Variants in CDK14 observed in about 807,000 individuals in gnomAD.
The protein encoded by CDK14 is cyclin-dependent kinase 14.
A neutral mutation model predicts 60.7 loss-of-function variants in CDK14; 34 were observed. That is an observed-to-expected ratio of 0.56 (90% CI 0.43 to 0.75). CDK14 has a LOEUF of 0.75. Among genes scored for constraint, CDK14 ranks in the 30% least tolerant of loss-of-function variants. The probability of loss-of-function intolerance (pLI) is 0.00; values close to 1 mark genes in which losing one functional copy is unlikely to be tolerated. For synonymous variants in CDK14, 197 were observed against 203.7 expected (o/e 0.97, Z 0.28); for missense variants, 482 against 564.1 (o/e 0.85, Z 1.47).
intron 2 of CDK14, among the ~76,000 whole-genome samples, chr7:90,636,343 A>T (rs1312307645): frequency 1.3e-5 from 2 of 152,222 alleles, no homozygotes; most frequent in Admixed American, 1.3e-4. Flanking sequence ...TTTTAGCATG[A>T]AGGTTATTGA....
intron 5 of CDK14, among the ~76,000 whole-genome samples, chr7:90,846,524 C>A (rs1361015564): frequency 6.6e-6 from 1 of 152,182 alleles, no homozygotes; most frequent in Admixed American, 6.5e-5. Context: ...CTGATCTGCA[C>A]ATTTCCATCA....
intron 12 of CDK14, among the ~76,000 whole-genome samples, chr7:91,097,216 A>C (rs1475035506): frequency 2.0e-5 from 3 of 152,014 alleles, no homozygotes; most frequent in Non-Finnish European, 4.4e-5. Context: ...CCCTGTATCT[A>C]CTAAAAACAC....
intron 2 of CDK14, among the ~76,000 whole-genome samples, chr7:90,724,512 G>T (rs182655364): frequency 6.6e-6 from 1 of 150,414 alleles, no homozygotes. Context: ...GTATTTTAAG[G>T]TGGAAGCTGA....
chr7:90,795,157 C>T (rs1482274314), intron 5 of CDK14, among the ~76,000 whole-genome samples: 4 of 152,114 alleles, frequency 2.6e-5, no homozygotes, highest in Non-Finnish European at 4.4e-5. Flanking sequence ...ACCAAACTAT[C>T]TAGGAATACA....
chr7:90,858,528 T>C (rs1309933645), intron 5 of CDK14, among the ~76,000 whole-genome samples: 3 of 152,188 alleles, frequency 2.0e-5, no homozygotes, highest in African/African-American at 7.2e-5. Flanking sequence ...AAAAATGGAA[T>C]TTGACAAGAT....
intron 5 of CDK14, among the ~76,000 whole-genome samples, chr7:90,812,744 T>G (rs953747489): frequency 6.6e-6 from 1 of 152,232 alleles, no homozygotes; most frequent in African/African-American, 2.4e-5. Flanking sequence ...GTATAACGGT[T>G]ATAATTGAGG....
intron 11 of CDK14, among the ~76,000 whole-genome samples, chr7:91,065,122 T>C (rs1026675086): frequency 1.3e-5 from 2 of 152,150 alleles, no homozygotes; most frequent in African/African-American, 4.8e-5. Context: ...GATTACTCAT[T>C]TAGAAAAGCA....
At chr7:91,062,908 C>G (rs1296846458) in intron 11 of CDK14, among the ~76,000 whole-genome samples, 1 of 152,160 alleles carries the variant, frequency 6.6e-6, no homozygotes, top group Non-Finnish European at 1.5e-5. Context: ...GTTCCACACC[C>G]CTCTAATCCT....
intron 11 of CDK14, among the ~76,000 whole-genome samples, chr7:91,064,006 T>C (rs1031878306): frequency 2.0e-5 from 3 of 152,234 alleles, no homozygotes; most frequent in African/African-American, 7.2e-5. Context: ...ATTTGAGATA[T>C]GGGGAAACTG....
chr7:91,065,112 G>C (rs905338911), intron 11 of CDK14, among the ~76,000 whole-genome samples: 1 of 152,174 alleles, frequency 6.6e-6, no homozygotes, highest in African/African-American at 2.4e-5. Flanking sequence ...GTTGCTCAAA[G>C]ATTACTCATT....
At chr7:90,816,419 G>T (rs781418952) in intron 5 of CDK14, among the ~76,000 whole-genome samples, 63 of 152,184 alleles carry the variant, frequency 4.1e-4, no homozygotes, top group Non-Finnish European at 7.2e-4. Context: ...TCTGGGTATT[G>T]TTCTGTGCGG....
At chr7:90,915,252 T>C (rs931696846) in intron 7 of CDK14, among the ~76,000 whole-genome samples, 1 of 152,178 alleles carries the variant, frequency 6.6e-6, no homozygotes, top group African/African-American at 2.4e-5. Context: ...CTGGCTAACA[T>C]GGTGAAACCC....
intron 2 of CDK14, among the ~76,000 whole-genome samples, chr7:90,665,104 A>C (rs1408952407): frequency 6.6e-6 from 1 of 151,956 alleles, no homozygotes; most frequent in Non-Finnish European, 1.5e-5. Flanking sequence ...ACATGGTGAA[A>C]TCCAGTCTCT....
intron 10 of CDK14, among the ~76,000 whole-genome samples, chr7:91,001,926 G>T (rs1795848293): frequency 6.6e-6 from 1 of 152,150 alleles, no homozygotes; most frequent in Non-Finnish European, 1.5e-5. Context: ...ATGAACTAAT[G>T]GAGTTTATGA....
In CDK14 at chr7:90,596,382, G is replaced by A. The variant is rs1799185353; in HGVS notation, c.-246G>A. The A allele has an allele frequency of 1.0e-5, 2 of 190,788 alleles. No individual in the cohort carries two copies. The highest frequency in any genetic ancestry group is 2.1e-5 in the Non-Finnish European group (2 of 94,202). 11.8% of individuals were successfully genotyped at this position (190,788 alleles called of 1,614,324 possible). A position where few individuals can be genotyped will look rare whatever the true frequency, so the allele number is the denominator to read the frequency against. ...GGCGCGGGGCCACCACGGCGGCGGC[G>A]AGCGCGGCCGCCCCCGGCACCACGT... is the stretch of plus-strand genomic sequence containing the variant. On this transcript the variant is annotated 5_prime_UTR_variant, in exon 1 of 15. Transcript: ENST00000380050.
intron 3 of CDK14, among the ~76,000 whole-genome samples, chr7:90,728,574 G>C (rs73222517): frequency 6.6e-6 from 1 of 151,892 alleles, no homozygotes; most frequent in African/African-American, 2.4e-5. Flanking sequence ...ATATGTTTCT[G>C]AGGATACAAA....
chr7:90,937,378 A>C (rs1001839766), intron 8 of CDK14, among the ~76,000 whole-genome samples: 1 of 152,174 alleles, frequency 6.6e-6, no homozygotes, highest in African/African-American at 2.4e-5. Flanking sequence ...TCAAATTGCC[A>C]ATTACAATTT....
At chr7:91,162,604 A>G (rs1410250541) in intron 14 of CDK14, among the ~76,000 whole-genome samples, 1 of 152,218 alleles carries the variant, frequency 6.6e-6, no homozygotes, top group Non-Finnish European at 1.5e-5. Context: ...AGACTACCAG[A>G]GTCAAGTCCC....
At chr7:91,130,590 T>C (rs987251160) in intron 14 of CDK14, among the ~76,000 whole-genome samples, 1 of 152,200 alleles carries the variant, frequency 6.6e-6, no homozygotes, top group Non-Finnish European at 1.5e-5. Context: ...GCACAAATTT[T>C]TTTTTGCTAT....
Sources: gnomAD v4.1 joint callset for allele counts (sites outside exome capture counted in the v4.1 genomes callset) on GRCh38, gnomAD v4.1.1 for gene constraint, MANE v1.5 for transcripts, NCBI Gene and HGNC (gene_info 2026-07-23, HGNC 2026-07-21) for gene names.